The following PRKCB variants were observed in gnomAD, a reference collection of about 807,000 sequenced individuals.
The protein encoded by PRKCB is protein kinase C beta.
In PRKCB, 13 loss-of-function variants were observed where a neutral mutation model predicts 81.5. That is an observed-to-expected ratio of 0.16 (90% CI 0.10 to 0.25). The LOEUF (loss-of-function observed/expected upper bound fraction) is 0.25. Among genes scored for constraint, PRKCB ranks in the 10% least tolerant of loss-of-function variants. The pLI, the probability that PRKCB is intolerant of heterozygous loss-of-function variation, is 1.00. For missense variants in PRKCB, 509 were observed against 875.7 expected (o/e 0.58, Z 5.29); for synonymous variants, 335 against 321.4 (o/e 1.04, Z -0.45).
At position 24,114,557 on chromosome 16, in the gene PRKCB, T is replaced by C. The variant is rs79939151; in HGVS notation, c.918+1488T>C. On this transcript the variant is annotated intron_variant, in intron 8 of 16. Transcript: ENST00000643927. ...CTTCTACGGGGACAAATAAACACCATTTTCAGCTACCTAAGAGCAGCAGGT... is the reference window on the plus strand; with the variant it reads ...CTTCTACGGGGACAAATAAACACCACTTTCAGCTACCTAAGAGCAGCAGGT... 9.0e-3 allele frequency among the ~76,000 whole-genome samples: 1,373 copies of C among 152,198 alleles called. 15 individuals carry two copies. The highest frequency in any genetic ancestry group is 0.031 in the African/African-American group (1,306 of 41,552).
chr16:24,074,018 C>A (rs1966147695), intron 5 of PRKCB, among the ~76,000 whole-genome samples: 1 of 152,030 alleles, frequency 6.6e-6, no homozygotes, highest in African/African-American at 2.4e-5. Context: ...GCCTGTAGTA[C>A]CAGCTGCTGG....
chr16:24,104,681 C>G (rs945443962), intron 7 of PRKCB, among the ~76,000 whole-genome samples: 2 of 152,084 alleles, frequency 1.3e-5, no homozygotes, highest in African/African-American at 2.4e-5. Flanking sequence ...GTGTGGATAT[C>G]TAGGGAGAGG....
At chr16:23,968,079 A>G (rs1462653212) in intron 2 of PRKCB, among the ~76,000 whole-genome samples, 1 of 152,066 alleles carries the variant, frequency 6.6e-6, no homozygotes, top group Non-Finnish European at 1.5e-5. Context: ...TGCCTGACTT[A>G]GTTATGCTTA....
chr16:24,093,867 G>A (rs1446147397), intron 6 of PRKCB, among the ~76,000 whole-genome samples: 2 of 152,106 alleles, frequency 1.3e-5, no homozygotes, highest in Non-Finnish European at 1.5e-5. Flanking sequence ...ATTTCTTATA[G>A]GCAATAGGAA....
At chr16:24,208,537 C>G (rs1179326546) in intron 16 of PRKCB, 3 of 152,178 alleles carry the variant, frequency 2.0e-5, no homozygotes, top group Admixed American at 1.3e-4. Flanking sequence ...TTTAAATAAC[C>G]CAGTTGGTTT....
chr16:23,848,755 C>T (rs532274764), intron 2 of PRKCB, among the ~76,000 whole-genome samples: 2 of 152,266 alleles, frequency 1.3e-5, no homozygotes, highest in South Asian at 2.1e-4. Flanking sequence ...TTAACCTCTT[C>T]GAGCTTCTGT....
In PRKCB at chr16:24,088,633, G is replaced by A. The variant is rs1024342040; in HGVS notation, c.530-4158G>A. ...AGTCCCAGCTATTCAGGGTGCTGAG[G>A]TGGTAGCATCGCTTGATCCTGGGAG... On this transcript the variant is annotated intron_variant, in intron 5 of 16. Coordinates refer to ENST00000643927, the MANE Select transcript of PRKCB (RefSeq NM_002738.7). 1.7e-4 allele frequency among the ~76,000 whole-genome samples: 26 copies of A among 151,538 alleles called. No homozygotes were observed. In the East Asian group the frequency reaches 4.5e-3, roughly 26 times the overall value.
Position 24,154,707 on chromosome 16 carries a change from C to T in PRKCB, c.1089C>T (p.Gly363=). 6.2e-7 allele frequency: 1 copy of T among 1,614,104 alleles called. No homozygotes were observed. Among genetic ancestry groups the T allele is most frequent in the Non-Finnish European group, 8.5e-7 (1 of 1,179,986 alleles). Residue 363 remains glycine (G), a synonymous_variant, in exon 10 of 17, where the codon GGC becomes GGT. Transcript: ENST00000643927. ...FGKVMLSERK[G]TDELYAVKIL... is the part of the protein sequence containing the mutation. ...AGGTCATGCTTTCAGAACGAAAAGGCACAGATGAGCTCTATGCTGTGAAGA... is the reference window on the plus strand; with the variant it reads ...AGGTCATGCTTTCAGAACGAAAAGGTACAGATGAGCTCTATGCTGTGAAGA...
In PRKCB at chr16:24,113,274, C is replaced by G. The variant is rs148190408; in HGVS notation, c.918+205C>G. Among the ~76,000 whole-genome samples, 230 of 148,038 alleles carry G rather than the reference C, an allele frequency of 1.6e-3. 1 individual carries two copies. The highest frequency in any genetic ancestry group is 5.3e-3 in the African/African-American group (216 of 40,740). ...TTGCTTTCTCGCTTTCTTCCTTTCT[C>G]TCTTGCTTTCTCTTGCTTGCTTTCT... On this transcript the variant is annotated intron_variant, in intron 8 of 16. Transcript: ENST00000643927.
chr16:23,847,689 C>T (rs376765765), intron 2 of PRKCB, among the ~76,000 whole-genome samples: 4 of 152,244 alleles, frequency 2.6e-5, no homozygotes, highest in East Asian at 1.9e-4. Flanking sequence ...AGAACAGCAT[C>T]GCTGGCTTCA....
rs1003026264 is a variant in PRKCB at position 23,983,652 on chromosome 16, A to G, written c.206-4856A>G. Among the ~76,000 whole-genome samples, 2 of 152,226 alleles carry G rather than the reference A, an allele frequency of 1.3e-5. 1 individual carries two copies. The highest frequency in any genetic ancestry group is 1.3e-4 in the Admixed American group (2 of 15,290). On this transcript the variant is annotated intron_variant, in intron 2 of 16. Coordinates refer to ENST00000643927, the MANE Select transcript of PRKCB (RefSeq NM_002738.7). ...ACCAGGAATTGTGGTAGACACTAGG[A>G]GACTAGAGATGAGCTATCTTTATCC...
In PRKCB at chr16:24,181,060, C is replaced by G. The variant is rs547556279; in HGVS notation, c.1533+132C>G. 4.3e-6 allele frequency: 5 copies of G among 1,151,270 alleles called. No homozygotes were observed. The African/African-American group carries it at 7.7e-5, about 18-fold the overall frequency. The allele number at this position is 1,151,270 out of a possible 1,614,324, so 71.3% of individuals were successfully genotyped here. On this transcript the variant is annotated intron_variant, in intron 13 of 16. Transcript: ENST00000643927. ...CTCGGACAGATTCTTATTCTATACT[C>G]TAAATCCTCCCTTTGAGATCACACA... is the stretch of plus-strand genomic sequence containing the variant.
At position 24,218,996 on chromosome 16, in the gene PRKCB, A is replaced by G. The variant is rs1356030506; in HGVS notation, c.*4180A>G. ...GGTTCTCTCATATGTCATATATAGG[A>G]GGTGAGGACTCCAGCTCCACCTGCC... On this transcript the variant is annotated 3_prime_UTR_variant, in exon 17 of 17. Transcript: ENST00000643927. The G allele has an allele frequency of 6.1e-6, 6 of 985,302 alleles. No individual in the cohort carries two copies. The South Asian group carries it at 2.8e-4, about 46-fold the overall frequency. 61.0% of individuals were successfully genotyped at this position (985,302 alleles called of 1,614,324 possible).
chr16:23,884,125 G>A (rs1484982087), intron 2 of PRKCB, among the ~76,000 whole-genome samples: 1 of 152,184 alleles, frequency 6.6e-6, no homozygotes, highest in African/African-American at 2.4e-5. Context: ...TATGGCTAGT[G>A]GTTACCATAT....
At chr16:24,170,407 T>C (rs1967424035) in intron 10 of PRKCB, among the ~76,000 whole-genome samples, 1 of 151,652 alleles carries the variant, frequency 6.6e-6, no homozygotes, top group African/African-American at 2.4e-5. Flanking sequence ...TTAGATTGGG[T>C]GGGTTAGAGG....
rs542064232 is a variant in PRKCB, at chr16:24,219,481, G to A, written c.*4665G>A. 7 of 986,992 alleles carry A rather than the reference G, an allele frequency of 7.1e-6. No homozygotes were observed. In the African/African-American group the frequency reaches 8.7e-5, roughly 12 times the overall value. The allele number at this position is 986,992 out of a possible 1,614,324, so 61.1% of individuals were successfully genotyped here. ...ACATGGCCATTCTGCCTTCTTGGGG[G>A]CAGAGTAGATGGGCAGCAGTTCACC... is the stretch of plus-strand genomic sequence containing the variant. On this transcript the variant is annotated 3_prime_UTR_variant, in exon 17 of 17. Coordinates refer to ENST00000643927, the MANE Select transcript of PRKCB (RefSeq NM_002738.7).
At chr16:24,006,429 A>T (rs1169380054) in intron 3 of PRKCB, among the ~76,000 whole-genome samples, 5 of 152,240 alleles carry the variant, frequency 3.3e-5, no homozygotes, top group African/African-American at 1.2e-4. Flanking sequence ...TTAGCTCCCC[A>T]TCCGAGGATA....
At chr16:24,115,310 CA>C (rs1232547887) in intron 8 of PRKCB, among the ~76,000 whole-genome samples, 1 of 144,158 alleles carries the variant, frequency 6.9e-6, no homozygotes. Context: ...GCATTTATCC[CA>C]AAAGTATTTA....
intron 8 of PRKCB, among the ~76,000 whole-genome samples, chr16:24,122,447 G>A (rs1966809478): frequency 8.5e-6 from 1 of 117,734 alleles, no homozygotes; most frequent in Non-Finnish European, 1.6e-5. Flanking sequence ...TCTACCACGA[G>A]GCTTTTTTTT....
Sources: gnomAD v4.1 joint callset for allele counts (sites outside exome capture counted in the v4.1 genomes callset) on GRCh38, gnomAD v4.1.1 for gene constraint, MANE v1.5 for transcripts, NCBI Gene and HGNC (gene_info 2026-07-23, HGNC 2026-07-21) for gene names.